Variants in UEVLD observed in about 807,000 individuals in gnomAD.
UEVLD encodes the protein UEV and lactate/malate dehyrogenase domains, also known as ubiquitin-conjugating enzyme E2 variant 3.
UEVLD carries 47 observed loss-of-function variants against 58.6 expected under a neutral mutation model. The observed-to-expected ratio is 0.80, with a 90% CI of 0.63 to 1.02. The LOEUF is 1.02. UEVLD is among the 50% of genes least tolerant of loss of function. The pLI is 0.00. For missense variants in UEVLD, 510 were observed against 550.6 expected (o/e 0.93, Z 0.74); for synonymous variants, 197 against 195.3 (o/e 1.01, Z -0.07).
At chr11:18,583,764 C>T (rs375054556) in intron 1 of UEVLD, among the ~76,000 whole-genome samples, 2 of 149,114 alleles carry the variant, frequency 1.3e-5, no homozygotes, top group East Asian at 2.0e-4. Flanking sequence ...CAGGTTCAAG[C>T]GATTGTCCTG....
intron 4 of UEVLD, 32 bp downstream of exon 4, chr11:18,570,182 A>G: frequency 6.4e-7 from 1 of 1,563,058 alleles, no homozygotes; most frequent in Admixed American, 2.2e-5. Context: ...AAAAAAAAAA[A>G]GCTTTCTGTA....
chr11:18,579,933 T>G (rs774718220), intron 1 of UEVLD, among the ~76,000 whole-genome samples: 1 of 151,494 alleles, frequency 6.6e-6, no homozygotes, highest in African/African-American at 2.4e-5. Flanking sequence ...TAGACCAAAG[T>G]AAATGGAAAG....
At chr11:18,538,461 G>A (rs1469627952) in intron 9 of UEVLD, among the ~76,000 whole-genome samples, 2 of 151,606 alleles carry the variant, frequency 1.3e-5, no homozygotes, top group African/African-American at 4.8e-5. Context: ...TCACAGGTGT[G>A]CACCCCCACG....
At chr11:18,559,848 TGGAA>T (rs1851928197) in intron 6 of UEVLD, among the ~76,000 whole-genome samples, 1 of 152,142 alleles carries the variant, frequency 6.6e-6, no homozygotes, top group African/African-American at 2.4e-5. Flanking sequence ...TTTACCTTTA[TGGAA>T]GGTCTTTCTT....
chr11:18,575,498 G>A (rs2134051853), intron 2 of UEVLD, 86 bp from the exon 3 acceptor site: 2 of 1,296,656 alleles, frequency 1.5e-6, no homozygotes, highest in East Asian at 2.3e-5. Context: ...ACATGTGTGT[G>A]CTCATGAATA....
At chr11:18,541,637 GT>G (rs1851059504) in intron 9 of UEVLD, among the ~76,000 whole-genome samples, 1 of 152,214 alleles carries the variant, frequency 6.6e-6, no homozygotes, top group African/African-American at 2.4e-5. Context: ...GAGACAAGAT[GT>G]AGTTTATTAC....
At chr11:18,588,561 C>A in intron 1 of UEVLD, 52 bp downstream of exon 1, 1 of 1,594,346 alleles carries the variant, frequency 6.3e-7, no homozygotes. Flanking sequence ...AAGGCAGAGG[C>A]ACCCCCCGCA....
chr11:18,563,174 T>C (rs891496901), intron 6 of UEVLD, among the ~76,000 whole-genome samples: 1 of 152,088 alleles, frequency 6.6e-6, no homozygotes, highest in Non-Finnish European at 1.5e-5. Context: ...AAAATCAGGT[T>C]GATGTGCATG....
Position 18,585,323 on chromosome 11 carries a change from T to C in UEVLD, c.42+3290A>G, listed in dbSNP as rs1287183798. Among the ~76,000 whole-genome samples, 3 of 152,250 alleles carry C rather than the reference T, an allele frequency of 2.0e-5. 1 individual carries two copies. Among genetic ancestry groups the C allele is most frequent in the Non-Finnish European group, 2.9e-5 (2 of 68,040 alleles). ...ACATTTATCTTTTTAGGTTTTAAAGTTGTCTTTTACATTTAGGTCTTTAAT... is the reference window on the plus strand; with the variant it reads ...ACATTTATCTTTTTAGGTTTTAAAGCTGTCTTTTACATTTAGGTCTTTAAT... On this transcript the variant is annotated intron_variant, in intron 1 of 11. Coordinates refer to ENST00000396197, the MANE Select transcript of UEVLD (RefSeq NM_001040697.4).
rs575063316 is a variant in UEVLD at position 18,586,939 on chromosome 11, G to A, written c.42+1674C>T. On this transcript the variant is annotated intron_variant, in intron 1 of 11. Transcript: ENST00000396197. ...CCCAGCTACTCAGGATGCTAAGGCA[G>A]GAGAATCGCTTGAACCCAGGAGGCG... Among the ~76,000 whole-genome samples, 9 of 152,278 alleles carry A rather than the reference G, an allele frequency of 5.9e-5. No homozygotes were observed. The East Asian group carries it at 1.5e-3, about 26-fold the overall frequency.
At chr11:18,537,571 T>C (rs1430894944) in intron 9 of UEVLD, among the ~76,000 whole-genome samples, 1 of 151,766 alleles carries the variant, frequency 6.6e-6, no homozygotes, top group African/African-American at 2.4e-5. Flanking sequence ...CCTCAGGTGA[T>C]TCACCCACCT....
chr11:18,569,689 GA>G (rs1309336167), intron 4 of UEVLD, among the ~76,000 whole-genome samples: 1 of 152,090 alleles, frequency 6.6e-6, no homozygotes, highest in Non-Finnish European at 1.5e-5. Flanking sequence ...AATGGTCAAT[GA>G]AAAATGCAGA....
At position 18,566,485 on chromosome 11, in the gene UEVLD, G is replaced by A. The variant is rs903124599; in HGVS notation, c.358-3C>T. 6.2e-7 allele frequency: 1 copy of A among 1,611,806 alleles called. No individual in the cohort carries two copies. The highest frequency in any genetic ancestry group is 1.7e-5 in the Admixed American group (1 of 59,364). Reference sequence around the variant, plus strand: ...AATCCAACAATGACAGATTTAGGCTGTAGAATACACAAAAAACAGAAAAGT... The same window carrying A: ...AATCCAACAATGACAGATTTAGGCTATAGAATACACAAAAAACAGAAAAGT... On this transcript the variant is annotated splice_polypyrimidine_tract_variant and splice_region_variant and intron_variant, in intron 4 of 11. Transcript: ENST00000396197.
At chr11:18,579,071 G>C (rs1401816605) in intron 1 of UEVLD, among the ~76,000 whole-genome samples, 1 of 152,042 alleles carries the variant, frequency 6.6e-6, no homozygotes, top group East Asian at 1.9e-4. Flanking sequence ...GTTTTGCCAT[G>C]TTGGTCAGGC....
intron 1 of UEVLD, chr11:18,579,574 T>A: frequency 1.2e-6 from 1 of 861,512 alleles, no homozygotes; most frequent in Non-Finnish European, 1.4e-6. Context: ...GGGTTTCAAA[T>A]GGAAAACAAA....
At chr11:18,586,360 G>A (rs1017784581) in intron 1 of UEVLD, among the ~76,000 whole-genome samples, 1 of 152,054 alleles carries the variant, frequency 6.6e-6, no homozygotes, top group African/African-American at 2.4e-5. Flanking sequence ...GATTACAGGA[G>A]CGGGCCACCA....
intron 1 of UEVLD, among the ~76,000 whole-genome samples, chr11:18,580,615 T>C (rs1853188745): frequency 6.7e-6 from 1 of 149,860 alleles, no homozygotes. Flanking sequence ...AGGAAGTGCC[T>C]GCCTCTGGTC....
intron 9 of UEVLD, among the ~76,000 whole-genome samples, chr11:18,537,723 C>T (rs1850870510): frequency 6.6e-6 from 1 of 151,976 alleles, no homozygotes; most frequent in Admixed American, 6.6e-5. Context: ...AGTGCAGTGG[C>T]ACACTCTCAG....
In UEVLD at chr11:18,544,738, G is replaced by T; in HGVS notation, c.945C>A (p.Ile315=). 2 of 1,569,864 alleles carry T rather than the reference G, an allele frequency of 1.3e-6. No individual in the cohort carries two copies. Among genetic ancestry groups the T allele is most frequent in the South Asian group, 2.4e-5 (2 of 83,266 alleles). Reference sequence around the variant, plus strand: ...GTGAATCCAGATTACATCCAATTCCGATCACTCGATTTGCAGGAAATGTAC... The same window carrying T: ...GTGAATCCAGATTACATCCAATTCCTATCACTCGATTTGCAGGAAATGTAC... ...KLSTFPANRV[I]GIGCNLDSQR... is the part of the protein sequence containing the mutation. The change falls in exon 9 of 12, where the codon ATC becomes ATA. Residue 315 remains isoleucine (I), a synonymous_variant. Coordinates refer to ENST00000396197, the MANE Select transcript of UEVLD (RefSeq NM_001040697.4).
Sources: gnomAD v4.1 joint callset for allele counts (sites outside exome capture counted in the v4.1 genomes callset) on GRCh38, gnomAD v4.1.1 for gene constraint, MANE v1.5 for transcripts, NCBI Gene and HGNC (gene_info 2026-07-23, HGNC 2026-07-21) for gene names.